EPS15: variants seen among roughly 807,000 people sequenced by gnomAD.
The protein encoded by EPS15 is epidermal growth factor receptor pathway substrate 15.
EPS15 carries 72 observed loss-of-function variants against 113.8 expected under a neutral mutation model. That is an observed-to-expected ratio of 0.63 (90% CI 0.52 to 0.77). EPS15 has a LOEUF of 0.77. Ranked by LOEUF, EPS15 falls within the 30% of genes least tolerant of loss-of-function variation. The pLI is 0.00. For synonymous variants in EPS15, 344 were observed against 363.4 expected (o/e 0.95, Z 0.61); for missense variants, 1,048 against 1,045.8 (o/e 1.00, Z -0.03).
At chr1:51,454,045 G>A (rs571996970) in intron 8 of EPS15, among the ~76,000 whole-genome samples, 1,301 of 55,342 alleles carry the variant, frequency 0.024, 14 homozygotes, top group African/African-American at 0.092. Flanking sequence ...GTGAGACTTT[G>A]TTTCAAAAAA....
rs35602175 is a variant in EPS15, at chr1:51,355,713, T to TAAA, written c.*984_*986dup. The TAAA allele has an allele frequency of 2.4e-5, 4 of 168,728 alleles. No homozygotes were observed. The highest frequency in any genetic ancestry group is 1.0e-4 in the East Asian group (1 of 10,038). The allele number at this position is 168,728 out of a possible 1,614,324, so 10.5% of individuals were successfully genotyped here. A position where few individuals can be genotyped will look rare whatever the true frequency, so the allele number is the denominator to read the frequency against. On this transcript the variant is annotated 3_prime_UTR_variant, in exon 25 of 25. Coordinates refer to ENST00000371733, the MANE Select transcript of EPS15 (RefSeq NM_001981.3). ...ACATTTCAAGTAAATGAGCCTTCAT[T>TAAA]AAAAAAAAAAAAACAAATATATATG...
intron 21 of EPS15, chr1:51,372,474 G>T: frequency 1.9e-6 from 1 of 533,570 alleles, no homozygotes; most frequent in South Asian, 1.4e-5. Flanking sequence ...CTGGTTTTTA[G>T]ACCATGATTA....
chr1:51,472,827 C>T, intron 3 of EPS15, 32 bp downstream of exon 3: 1 of 1,491,334 alleles, frequency 6.7e-7, no homozygotes, highest in Non-Finnish European at 9.4e-7. Context: ...TCCTTACAAA[C>T]TTATAATCTA....
At chr1:51,394,014 A>G (rs1457719903) in intron 21 of EPS15, among the ~76,000 whole-genome samples, 1 of 152,230 alleles carries the variant, frequency 6.6e-6, no homozygotes, top group East Asian at 1.9e-4. Context: ...GTATTTGTAA[A>G]GCAATTTTCA....
At chr1:51,374,127 CT>C (rs1308743923) in intron 21 of EPS15, among the ~76,000 whole-genome samples, 1 of 152,188 alleles carries the variant, frequency 6.6e-6, no homozygotes, top group Non-Finnish European at 1.5e-5. Context: ...TTTACTCCTG[CT>C]GGAGTCAAAG....
chr1:51,460,063 T>C (rs899989243), intron 8 of EPS15, among the ~76,000 whole-genome samples: 3 of 152,120 alleles, frequency 2.0e-5, no homozygotes, highest in African/African-American at 7.2e-5. Context: ...AACAGATCAA[T>C]AAACTAGACA....
intron 21 of EPS15, among the ~76,000 whole-genome samples, chr1:51,371,052 T>C (rs534731698): frequency 2.6e-5 from 4 of 151,910 alleles, no homozygotes; most frequent in Admixed American, 2.0e-4. Flanking sequence ...GTAGCTTGCA[T>C]TACAGGTGTA....
chr1:51,468,487 G>C lies in EPS15; in HGVS notation c.295C>G (p.Pro99Ala), dbSNP rs1655009590. ...GCATTTCTTACAAATCTTGGTGGAG[G>C]AACAGCCAGGTTCAAACTACTTAGT... ...VSLSSLNLAV[P>A]PPRFHDTSSP... Residue 99 changes from proline to alanine, a missense_variant, in exon 5 of 25, where the codon CCT becomes GCT. Pro to Ala is a conservative substitution (Grantham distance 27). Transcript: ENST00000371733. 1.9e-6 allele frequency: 3 copies of C among 1,606,856 alleles called. No individual in the cohort carries two copies. Among genetic ancestry groups the C allele is most frequent in the Non-Finnish European group, 8.5e-7 (1 of 1,173,490 alleles).
chr1:51,374,079 T>TA (rs1221759555), intron 21 of EPS15, among the ~76,000 whole-genome samples: 1 of 152,236 alleles, frequency 6.6e-6, no homozygotes, highest in Non-Finnish European at 1.5e-5. Context: ...ACGTTTAGCC[T>TA]GAGTCATTGC....
At chr1:51,449,833 C>T (rs574337796) in intron 8 of EPS15, among the ~76,000 whole-genome samples, 3 of 151,726 alleles carry the variant, frequency 2.0e-5, no homozygotes, top group South Asian at 4.2e-4. Flanking sequence ...AATTGTCCTC[C>T]TGTGCATTGA....
At chr1:51,361,461 T>C in intron 23 of EPS15, 106 bp from the exon 24 acceptor site, 1 of 791,400 alleles carries the variant, frequency 1.3e-6, no homozygotes, top group South Asian at 1.8e-5. Flanking sequence ...AGAGGATGAT[T>C]GAGTACCTAA....
At chr1:51,505,918 G>A (rs577102432) in intron 1 of EPS15, among the ~76,000 whole-genome samples, 1 of 151,290 alleles carries the variant, frequency 6.6e-6, no homozygotes, top group South Asian at 2.1e-4. Flanking sequence ...ATGGAGTCTT[G>A]CTCTGTCACC....
chr1:51,384,460 C>T (rs1260246158), intron 21 of EPS15, among the ~76,000 whole-genome samples: 1 of 151,868 alleles, frequency 6.6e-6, no homozygotes, highest in Non-Finnish European at 1.5e-5. Context: ...GCCACTATGC[C>T]TGGCTAATTT....
intron 12 of EPS15, 62 bp from the exon 13 acceptor site, chr1:51,421,920 T>A: frequency 6.2e-7 from 1 of 1,605,764 alleles, no homozygotes; most frequent in Non-Finnish European, 8.5e-7. Flanking sequence ...GGTATGGTTA[T>A]CCATCCTCCT....
intron 12 of EPS15, among the ~76,000 whole-genome samples, chr1:51,438,460 A>C (rs890001256): frequency 6.6e-6 from 1 of 152,174 alleles, no homozygotes; most frequent in African/African-American, 2.4e-5. Flanking sequence ...CATTTTTTCT[A>C]TGATGCTCTA....
chr1:51,490,727 T>C (rs1644218023), intron 1 of EPS15, among the ~76,000 whole-genome samples: 1 of 152,032 alleles, frequency 6.6e-6, no homozygotes, highest in South Asian at 2.1e-4. Flanking sequence ...TTATAGAGGG[T>C]AACACAAAGG....
At chr1:51,356,915 T>C in intron 24 of EPS15, 69 bp from the exon 25 acceptor site, 1 of 1,428,648 alleles carries the variant, frequency 7.0e-7, no homozygotes, top group Non-Finnish European at 9.5e-7. Flanking sequence ...GAAGGAAAAA[T>C]AGTTTTTACA....
At chr1:51,377,281 A>C (rs1260183720) in intron 21 of EPS15, among the ~76,000 whole-genome samples, 1 of 152,188 alleles carries the variant, frequency 6.6e-6, no homozygotes, top group South Asian at 2.1e-4. Flanking sequence ...AACAAAACAA[A>C]AACAGTGTGA....
chr1:51,480,092 C>T (rs1643992304), intron 2 of EPS15, among the ~76,000 whole-genome samples: 1 of 152,168 alleles, frequency 6.6e-6, no homozygotes, highest in South Asian at 2.1e-4. Flanking sequence ...ATTTTTCAGG[C>T]AGAAATTATT....
Sources: allele counts gnomAD v4.1 joint callset (sites outside exome capture counted in the v4.1 genomes callset), GRCh38; gene constraint gnomAD v4.1.1; transcripts MANE v1.5; gene names NCBI Gene and HGNC (gene_info 2026-07-23, HGNC 2026-07-21).